Variants in SUGCT observed in about 807,000 individuals in gnomAD.
SUGCT encodes the protein succinyl-CoA:glutarate-CoA transferase.
SUGCT carries 41 observed loss-of-function variants against 55.0 expected under a neutral mutation model. The observed-to-expected ratio is 0.74, with a 90% CI of 0.58 to 0.97. The LOEUF (loss-of-function observed/expected upper bound fraction) is 0.97. Ranked by LOEUF, SUGCT falls within the 50% of genes least tolerant of loss-of-function variation. The pLI is 0.00. For synonymous variants in SUGCT, 187 were observed against 200.4 expected, an observed-to-expected ratio of 0.93 and a Z score of 0.56; for missense variants, 568 against 547.8, an observed-to-expected ratio of 1.04 and a Z score of -0.37.
At chr7:40,172,015 C>CT (rs1784699672) in intron 1 of SUGCT, among the ~76,000 whole-genome samples, 1 of 152,170 alleles carries the variant, frequency 6.6e-6, no homozygotes, top group Non-Finnish European at 1.5e-5. Flanking sequence ...CTTTCCCTCT[C>CT]TCTCTTTTGG....
chr7:40,177,772 T>C (rs1256709232), intron 1 of SUGCT, among the ~76,000 whole-genome samples: 8 of 152,160 alleles, frequency 5.3e-5, no homozygotes, highest in African/African-American at 1.7e-4. Flanking sequence ...ATTTTTGAGA[T>C]GGAGTCTCCC....
At chr7:40,791,740 T>C (rs145004747) in intron 13 of SUGCT, among the ~76,000 whole-genome samples, 2 of 152,324 alleles carry the variant, frequency 1.3e-5, no homozygotes, top group African/African-American at 4.8e-5. Context: ...TTTTGTCTTA[T>C]TTCAGTCCAA....
chr7:41,024,851 G>A, the SUGCT span, among the ~76,000 whole-genome samples: 1 of 152,112 alleles, frequency 6.6e-6, no homozygotes, highest in Non-Finnish European at 1.5e-5. Context: ...ATATATGCAC[G>A]AGAACCATAT....
chr7:40,270,105 C>T (rs1791904930), intron 7 of SUGCT, among the ~76,000 whole-genome samples: 1 of 142,372 alleles, frequency 7.0e-6, no homozygotes, highest in African/African-American at 2.6e-5. Context: ...CATTGGATTT[C>T]AGCCTGGGTG....
At chr7:40,262,820 G>A (rs569721771) in intron 7 of SUGCT, among the ~76,000 whole-genome samples, 1 of 152,286 alleles carries the variant, frequency 6.6e-6, no homozygotes, top group Non-Finnish European at 1.5e-5. Flanking sequence ...AACAATATAT[G>A]GAGAAAAGAT....
At chr7:40,687,959 C>T (rs1784538609) in intron 12 of SUGCT, among the ~76,000 whole-genome samples, 1 of 152,004 alleles carries the variant, frequency 6.6e-6, no homozygotes, top group Admixed American at 6.6e-5. Context: ...ATTACAGGGC[C>T]CCCCAATATT....
At chr7:40,562,204 C>A (rs1795875920) in intron 12 of SUGCT, among the ~76,000 whole-genome samples, 1 of 150,624 alleles carries the variant, frequency 6.6e-6, no homozygotes, top group Non-Finnish European at 1.5e-5. Flanking sequence ...GAGGCTGAGG[C>A]AGGAGAATGG....
chr7:40,932,097 G>A, the SUGCT span, among the ~76,000 whole-genome samples: 2 of 152,174 alleles, frequency 1.3e-5, no homozygotes, highest in Non-Finnish European at 2.9e-5. Flanking sequence ...TGCTTTAAAT[G>A]TGTCTCAGAG....
At chr7:40,916,162 C>T in the SUGCT span, among the ~76,000 whole-genome samples, 8 of 152,040 alleles carry the variant, frequency 5.3e-5, no homozygotes, top group South Asian at 8.3e-4. Context: ...AGAGATTAAC[C>T]GCAGTGGGTG....
At chr7:40,279,002 T>TTG in intron 8 of SUGCT, among the ~76,000 whole-genome samples, 1 of 27,330 alleles carries the variant, frequency 3.7e-5, no homozygotes, top group East Asian at 2.3e-3. Flanking sequence ...AATTTTTGTA[T>TTG]TTTTTTTTTT....
At chr7:40,663,519 G>GTA (rs1554397801) in intron 12 of SUGCT, among the ~76,000 whole-genome samples, 3 of 148,394 alleles carry the variant, frequency 2.0e-5, no homozygotes, top group Non-Finnish European at 3.0e-5. Context: ...GTGTGTGTGT[G>GTA]TGTATCATTA....
chr7:40,562,714 A>C (rs1046104262), intron 12 of SUGCT, among the ~76,000 whole-genome samples: 2 of 152,166 alleles, frequency 1.3e-5, no homozygotes, highest in African/African-American at 4.8e-5. Context: ...TCTCCTGTTT[A>C]GGTCTGAGAG....
At chr7:40,639,675 AT>A (rs370490950) in intron 12 of SUGCT, among the ~76,000 whole-genome samples, 9,490 of 140,214 alleles carry the variant, frequency 0.068, 304 homozygotes, top group Non-Finnish European at 0.078. Context: ...ATGCCGTCTA[AT>A]TTTTTTTTTT....
chr7:40,269,476 C>T (rs538558342), intron 7 of SUGCT, among the ~76,000 whole-genome samples: 67 of 152,156 alleles, frequency 4.4e-4, no homozygotes, highest in Middle Eastern at 6.8e-3. Flanking sequence ...GTGTGCACCA[C>T]TATGTCTGGC....
rs372164295 is a variant in SUGCT at position 40,220,796 on chromosome 7, T to C, written c.485-16839T>C. Among the ~76,000 whole-genome samples the C allele has an allele frequency of 5.8e-4, 89 of 152,302 alleles. 2 individuals carry two copies. In the South Asian group the frequency reaches 0.017, roughly 29 times the overall value. On this transcript the variant is annotated intron_variant, in intron 6 of 13. Transcript: ENST00000335693. The stretch of plus-strand genomic sequence containing the variant: ...AGTAGCCACAGAAAAATTCTGAACC[T>C]GGGCTGACTCACCCAACACAAAATG...
At chr7:40,248,888 G>GCACACACACACACA (rs34780979) in intron 7 of SUGCT, among the ~76,000 whole-genome samples, 32 of 135,574 alleles carry the variant, frequency 2.4e-4, no homozygotes, top group African/African-American at 3.4e-4. Flanking sequence ...GCGCGCGCTC[G>GCACACACACACACA]CACACACACA....
the SUGCT span, among the ~76,000 whole-genome samples, chr7:40,984,522 C>T: frequency 1.3e-5 from 2 of 152,040 alleles, no homozygotes; most frequent in African/African-American, 4.8e-5. Flanking sequence ...TATGGAGTAT[C>T]TTCCCCTCAA....
intron 13 of SUGCT, among the ~76,000 whole-genome samples, chr7:40,766,394 G>A (rs1788792446): frequency 6.6e-6 from 1 of 152,112 alleles, no homozygotes; most frequent in African/African-American, 2.4e-5. Flanking sequence ...ATTTTTAGTA[G>A]AGATGAGGTT....
chr7:40,428,985 C>CT (rs921228408), intron 9 of SUGCT, among the ~76,000 whole-genome samples: 1 of 152,074 alleles, frequency 6.6e-6, no homozygotes, highest in East Asian at 1.9e-4. Flanking sequence ...ATTTCTCCTC[C>CT]TTTTTTTCTT....
Sources: gnomAD v4.1 joint callset for allele counts (sites outside exome capture counted in the v4.1 genomes callset) on GRCh38, gnomAD v4.1.1 for gene constraint, MANE v1.5 for transcripts, NCBI Gene and HGNC (gene_info 2026-07-23, HGNC 2026-07-21) for gene names.